CALHM3: variants seen among roughly 807,000 people sequenced by gnomAD.
CALHM3 encodes the protein calcium homeostasis modulator 3.
A neutral mutation model predicts 13.6 loss-of-function variants in CALHM3; 9 were observed. The observed-to-expected ratio is 0.66, with a 90% confidence interval of 0.40 to 1.15. The LOEUF is 1.15. CALHM3 is among the 50% of genes most tolerant of loss of function. The pLI, the probability that CALHM3 is intolerant of heterozygous loss-of-function variation, is 0.01. For missense variants in CALHM3, 497 were observed against 463.4 expected (o/e 1.07, Z -0.67); for synonymous variants, 231 against 213.2 (o/e 1.08, Z -0.73).
chr10:103,475,818 C>A (rs2033380897), intron 2 of CALHM3, among the ~76,000 whole-genome samples: 1 of 152,088 alleles, frequency 6.6e-6, no homozygotes, highest in South Asian at 2.1e-4. Context: ...TGGGGTTTGT[C>A]CCCCAAGATA....
chr10:103,476,223 T>A, intron 2 of CALHM3, 71 bp downstream of exon 2: 1 of 1,532,000 alleles, frequency 6.5e-7, no homozygotes, highest in South Asian at 1.2e-5. Flanking sequence ...CACCACCCCC[T>A]CACCCCACTC....
intron 2 of CALHM3, among the ~76,000 whole-genome samples, chr10:103,476,093 T>C (rs1324638307): frequency 6.6e-6 from 1 of 152,068 alleles, no homozygotes; most frequent in African/African-American, 2.4e-5. Flanking sequence ...TAAGTGGAGA[T>C]TAGTATTATT....
At chr10:103,474,214 G>A (rs1239036276) in intron 2 of CALHM3, among the ~76,000 whole-genome samples, 1 of 151,726 alleles carries the variant, frequency 6.6e-6, no homozygotes, top group Non-Finnish European at 1.5e-5. Flanking sequence ...TCTCATCCTT[G>A]CATCTATCCA....
chr10:103,475,076 A>G (rs1289022657), intron 2 of CALHM3, among the ~76,000 whole-genome samples: 1 of 152,166 alleles, frequency 6.6e-6, no homozygotes, highest in Admixed American at 6.5e-5. Flanking sequence ...GACAAACTGA[A>G]GTAGTTCTCT....
chr10:103,474,458 T>TTTAG (rs935461789), intron 2 of CALHM3, among the ~76,000 whole-genome samples: 15 of 150,156 alleles, frequency 1.0e-4, no homozygotes, highest in Admixed American at 1.0e-3. Flanking sequence ...TTTTTATTTA[T>TTTAG]TTATTTATAT....
Position 103,473,409 on chromosome 10 carries a change from A to G in CALHM3, c.839T>C (p.Leu280Pro). 6.7e-7 allele frequency: 1 copy of G among 1,492,552 alleles called. No homozygotes were observed. Among genetic ancestry groups the G allele is most frequent in the Non-Finnish European group, 8.9e-7 (1 of 1,126,824 alleles). The allele number at this position is 1,492,552 out of a possible 1,614,324, so 92.5% of individuals were successfully genotyped here. A position where few individuals can be genotyped will look rare whatever the true frequency, so the allele number is the denominator to read the frequency against. Residue 280 changes from leucine (L) to proline (P), a missense_variant, in exon 3 of 3, where the codon CTG (leucine) becomes CCG (proline). Coordinates refer to ENST00000369783, the MANE Select transcript of CALHM3 (RefSeq NM_001129742.2). ...GTGGGCCTTCCCACTTCCACTATCCAGGCCTTCTGGGGGCTCAGGCACTGC... is the reference window on the plus strand; with the variant it reads ...GTGGGCCTTCCCACTTCCACTATCCGGGCCTTCTGGGGGCTCAGGCACTGC... ...LPAVPEPPEG[L>P]DSGSGKAHLR...
chr10:103,473,518 G>A lies in CALHM3; in HGVS notation c.730C>T (p.Leu244=). 1 of 1,551,144 alleles carries A rather than the reference G, an allele frequency of 6.4e-7. No individual in the cohort carries two copies. Among genetic ancestry groups the A allele is most frequent in the Non-Finnish European group, 8.7e-7 (1 of 1,146,992 alleles). ...CTCCGCATGCTGGCAAAGAAGTGCA[G>A]CACGCAGCGGTGCGCGAAGTCCCGC... is the stretch of plus-strand genomic sequence containing the variant. ...HARDFAHRCV[L]HFFASMRSEL... Residue 244 remains leucine (L), a synonymous_variant, in exon 3 of 3, where the codon CTG becomes TTG. Coordinates refer to ENST00000369783, the MANE Select transcript of CALHM3 (RefSeq NM_001129742.2).
rs989295408 is a variant in CALHM3 at position 103,479,149 on chromosome 10, C to T, written c.-117G>A. On this transcript the variant is annotated 5_prime_UTR_variant, in exon 1 of 3. Coordinates refer to ENST00000369783, the MANE Select transcript of CALHM3 (RefSeq NM_001129742.2). ...GGATCTGCAAGAGGTTCTCTCTCTGCTTCCAAGGGCCTGAGGGGCCAAGGA... is the reference window on the plus strand; with the variant it reads ...GGATCTGCAAGAGGTTCTCTCTCTGTTTCCAAGGGCCTGAGGGGCCAAGGA... 4 of 1,212,782 alleles carry T rather than the reference C, an allele frequency of 3.3e-6. No individual in the cohort carries two copies. Among genetic ancestry groups the T allele is most frequent in the African/African-American group, 3.1e-5 (2 of 65,128 alleles). 75.1% of individuals were successfully genotyped at this position (1,212,782 alleles called of 1,614,324 possible).
At chr10:103,475,771 T>A (rs1444503364) in intron 2 of CALHM3, among the ~76,000 whole-genome samples, 2 of 152,132 alleles carry the variant, frequency 1.3e-5, no homozygotes, top group African/African-American at 4.8e-5. Context: ...GTAGGAGCAG[T>A]GGTGGTGGAA....
rs1318358155 is a variant in CALHM3, at chr10:103,472,995, T to C, written c.*218A>G. On this transcript the variant is annotated 3_prime_UTR_variant, in exon 3 of 3. Coordinates refer to ENST00000369783, the MANE Select transcript of CALHM3 (RefSeq NM_001129742.2). ...CCTGGCTACACTGTCTGAACCTGTA[T>C]TTAACAAGGCCCTCGGTGAACCGAG... 5 of 431,640 alleles carry C rather than the reference T, an allele frequency of 1.2e-5. No homozygotes were observed. Among genetic ancestry groups the C allele is most frequent in the Non-Finnish European group, 1.9e-5 (5 of 256,932 alleles). 26.7% of individuals were successfully genotyped at this position (431,640 alleles called of 1,614,324 possible). A position where few individuals can be genotyped will look rare whatever the true frequency, so the allele number is the denominator to read the frequency against.
rs773065211 is a variant in CALHM3, at chr10:103,473,740, G to A, written c.544-36C>T. The A allele has an allele frequency of 2.6e-4, 395 of 1,519,170 alleles. 2 individuals carry two copies. The highest frequency in any genetic ancestry group is 2.0e-5 in the Non-Finnish European group (23 of 1,134,564). 94.1% of individuals were successfully genotyped at this position (1,519,170 alleles called of 1,614,324 possible). On this transcript the variant is annotated intron_variant, in intron 2 of 2. Coordinates refer to ENST00000369783, the MANE Select transcript of CALHM3 (RefSeq NM_001129742.2). ...AGGAGGCCCGAGGTTAGATGTGAGT[G>A]GGGCCTAATCCTATATACATATGTA...
intron 2 of CALHM3, among the ~76,000 whole-genome samples, chr10:103,474,750 C>T (rs367699952): frequency 4.9e-4 from 74 of 152,280 alleles, no homozygotes; most frequent in African/African-American, 1.8e-3. Flanking sequence ...CCACCACGCC[C>T]GGCCCCCCTC....
At chr10:103,476,637 C>A in intron 1 of CALHM3, 88 bp from the exon 2 acceptor site, 1 of 1,460,340 alleles carries the variant, frequency 6.8e-7, no homozygotes, top group South Asian at 1.3e-5. Flanking sequence ...TGGGAAGTCC[C>A]AGGCTGGGTT....
At chr10:103,477,136 A>G (rs2033398906) in intron 1 of CALHM3, among the ~76,000 whole-genome samples, 1 of 152,088 alleles carries the variant, frequency 6.6e-6, no homozygotes, top group African/African-American at 2.4e-5. Flanking sequence ...TTTGGAGGAG[A>G]GCCTAAGCTA....
chr10:103,472,831 T>G lies in CALHM3; in HGVS notation c.*382A>C. 3.2e-5 allele frequency: 6 copies of G among 188,946 alleles called. No homozygotes were observed. Among genetic ancestry groups the G allele is most frequent in the Non-Finnish European group, 5.4e-5 (5 of 92,994 alleles). The allele number at this position is 188,946 out of a possible 1,614,324, so 11.7% of individuals were successfully genotyped here. A position where few individuals can be genotyped will look rare whatever the true frequency, so the allele number is the denominator to read the frequency against. On this transcript the variant is annotated 3_prime_UTR_variant, in exon 3 of 3. Coordinates refer to ENST00000369783, the MANE Select transcript of CALHM3 (RefSeq NM_001129742.2). ...TCGAGGCAGCAGACTAAGGTCATTA[T>G]TATTATTTAGAATTGACATCTAGAA...
chr10:103,474,374 C>T (rs1218511114), intron 2 of CALHM3, among the ~76,000 whole-genome samples: 1 of 151,962 alleles, frequency 6.6e-6, no homozygotes, highest in Non-Finnish European at 1.5e-5. Flanking sequence ...CTCTCATATG[C>T]TCCTCCTTCC....
chr10:103,476,797 G>C (rs1292685600), intron 1 of CALHM3, among the ~76,000 whole-genome samples: 1 of 152,240 alleles, frequency 6.6e-6, no homozygotes, highest in Admixed American at 6.5e-5. Flanking sequence ...CTGGTGCCCT[G>C]CCCATGCCAG....
intron 2 of CALHM3, among the ~76,000 whole-genome samples, chr10:103,474,950 A>G (rs2033372699): frequency 6.6e-6 from 1 of 152,340 alleles, no homozygotes; most frequent in South Asian, 2.1e-4. Context: ...GGTACTTGTC[A>G]TAGAGAGGGA....
chr10:103,478,956 A>C lies in CALHM3; in HGVS notation c.77T>G (p.Leu26Arg). ...GTACAGCTTGACGGTGACCGCAGCC[A>C]GCAGCAGGCAGATGCCATTCATCAC... Reference protein sequence around the residue: ...ESVMNGICLLLAAVTVKLYSS... With the variant: ...ESVMNGICLLRAAVTVKLYSS... The change falls in exon 1 of 3, where the codon CTG becomes CGG. Residue 26 changes from leucine (L) to arginine (R), a missense_variant. By Grantham distance (102) the Leu-to-Arg change is moderately radical. Coordinates refer to ENST00000369783, the MANE Select transcript of CALHM3 (RefSeq NM_001129742.2). 1 of 1,551,748 alleles carries C rather than the reference A, an allele frequency of 6.4e-7. No homozygotes were observed. The highest frequency in any genetic ancestry group is 8.7e-7 in the Non-Finnish European group (1 of 1,147,008).
Sources: gnomAD v4.1 joint callset for allele counts (sites outside exome capture counted in the v4.1 genomes callset) on GRCh38, gnomAD v4.1.1 for gene constraint, MANE v1.5 for transcripts, NCBI Gene and HGNC (gene_info 2026-07-23, HGNC 2026-07-21) for gene names.